ATP8A1: variants seen among roughly 807,000 people sequenced by gnomAD.
ATP8A1 encodes the protein phospholipid-transporting ATPase IA.
In ATP8A1, 90 loss-of-function variants were observed where a neutral mutation model predicts 177.7. That is an observed-to-expected ratio of 0.51 (90% CI 0.43 to 0.60). The LOEUF (loss-of-function observed/expected upper bound fraction) is 0.60. Among genes scored for constraint, ATP8A1 ranks in the 20% least tolerant of loss-of-function variants. The pLI, the probability that ATP8A1 is intolerant of heterozygous loss-of-function variation, is 0.00. For missense variants in ATP8A1, 1,072 were observed against 1,392.8 expected, an observed-to-expected ratio of 0.77 and a Z score of 3.67; for synonymous variants, 493 against 485.9, an observed-to-expected ratio of 1.01 and a Z score of -0.19.
intron 1 of ATP8A1, among the ~76,000 whole-genome samples, chr4:42,642,154 C>A (rs1740058983): frequency 6.6e-6 from 1 of 152,168 alleles, no homozygotes; most frequent in Non-Finnish European, 1.5e-5. Flanking sequence ...AGACATTACC[C>A]AGGATAAGGA....
chr4:42,556,062 G>A (rs1408423796), intron 15 of ATP8A1, 22 bp from the exon 16 acceptor site: 1 of 1,564,112 alleles, frequency 6.4e-7, no homozygotes. Flanking sequence ...AAAAAATAGA[G>A]TAAACCCAGT....
intron 9 of ATP8A1, 31 bp from the exon 10 acceptor site, chr4:42,581,763 G>A (rs985791256): frequency 2.7e-6 from 4 of 1,506,014 alleles, no homozygotes; most frequent in Non-Finnish European, 2.8e-6. Flanking sequence ...ATTAGAAACA[G>A]TATTTTCTAA....
At chr4:42,477,819 A>AG (rs1164793237) in intron 25 of ATP8A1, among the ~76,000 whole-genome samples, 1 of 151,436 alleles carries the variant, frequency 6.6e-6, no homozygotes, top group Non-Finnish European at 1.5e-5. Context: ...AAAAAAAAAA[A>AG]AAAAAGTTTA....
At chr4:42,585,037 C>G (rs1419139114) in intron 9 of ATP8A1, among the ~76,000 whole-genome samples, 1 of 152,102 alleles carries the variant, frequency 6.6e-6, no homozygotes, top group Non-Finnish European at 1.5e-5. Context: ...CACAATTATT[C>G]CAGGCACTTT....
intron 7 of ATP8A1, among the ~76,000 whole-genome samples, chr4:42,588,960 A>C (rs1025030021): frequency 6.6e-6 from 1 of 152,206 alleles, no homozygotes; most frequent in African/African-American, 2.4e-5. Flanking sequence ...GTTGCTTGAG[A>C]GATTCTCACA....
At chr4:42,529,194 T>C (rs963286920) in intron 20 of ATP8A1, among the ~76,000 whole-genome samples, 12 of 152,240 alleles carry the variant, frequency 7.9e-5, no homozygotes, top group African/African-American at 2.9e-4. Context: ...GCAGATTCAA[T>C]GGTATTTGAG....
chr4:42,444,488 T>A (rs1577943896), intron 32 of ATP8A1, 90 bp downstream of exon 32: 1 of 1,259,928 alleles, frequency 7.9e-7, no homozygotes, highest in Non-Finnish European at 1.1e-6. Context: ...ACCTGGGACA[T>A]ATCAAGTTAG....
At chr4:42,547,546 C>T (rs762796370) in intron 19 of ATP8A1, among the ~76,000 whole-genome samples, 11 of 152,122 alleles carry the variant, frequency 7.2e-5, no homozygotes, top group East Asian at 1.9e-4. Context: ...GTTTAAAAAA[C>T]GTATCTAAAT....
rs1218350838 is a variant in ATP8A1, at chr4:42,507,101, C to A, written c.2001G>T (p.Val667=). The change falls in exon 23 of 37, where the codon GTG becomes GTT. Residue 667 remains valine (V), a synonymous_variant. Transcript: ENST00000381668. ...TCATTAGCGTTTCTATGGTTTCAGG[C>A]ACTTGATCTTGTAATTTATCCTCAA... is the stretch of plus-strand genomic sequence containing the variant. ...TAIEDKLQDQ[V]PETIETLMKA... The A allele has an allele frequency of 1.2e-6, 2 of 1,613,962 alleles. No homozygotes were observed. The highest frequency in any genetic ancestry group is 2.2e-5 in the East Asian group (1 of 44,858).
At chr4:42,500,819 G>A (rs1723785958) in intron 24 of ATP8A1, among the ~76,000 whole-genome samples, 1 of 151,930 alleles carries the variant, frequency 6.6e-6, no homozygotes, top group East Asian at 1.9e-4. Context: ...TTGGTCTTAT[G>A]TATTTATTTA....
At chr4:42,583,860 T>A in intron 9 of ATP8A1, among the ~76,000 whole-genome samples, 1 of 152,348 alleles carries the variant, frequency 6.6e-6, no homozygotes, top group East Asian at 1.9e-4. Flanking sequence ...ATAGATTTGC[T>A]CAGCAACAAT....
intron 22 of ATP8A1, among the ~76,000 whole-genome samples, chr4:42,512,936 T>C (rs1725163400): frequency 6.6e-6 from 1 of 152,228 alleles, no homozygotes; most frequent in Non-Finnish European, 1.5e-5. Flanking sequence ...TTGAGGGCCA[T>C]ATATTCTCTG....
intron 22 of ATP8A1, among the ~76,000 whole-genome samples, chr4:42,508,889 A>G (rs1352264146): frequency 6.6e-6 from 1 of 152,232 alleles, no homozygotes; most frequent in East Asian, 1.9e-4. Context: ...ACTTTTCCTT[A>G]TTGTTCACCA....
At chr4:42,479,335 C>T (rs1415583626) in intron 25 of ATP8A1, among the ~76,000 whole-genome samples, 1 of 152,196 alleles carries the variant, frequency 6.6e-6, no homozygotes, top group East Asian at 1.9e-4. Flanking sequence ...CTCAAAACAC[C>T]AAGCCCTTCT....
intron 33 of ATP8A1, among the ~76,000 whole-genome samples, chr4:42,425,050 A>T (rs1375830287): frequency 6.6e-6 from 1 of 152,208 alleles, no homozygotes; most frequent in African/African-American, 2.4e-5. Flanking sequence ...GTAATAGGAA[A>T]TGTCTATCAA....
intron 25 of ATP8A1, among the ~76,000 whole-genome samples, chr4:42,477,852 G>A (rs4333217): frequency 0.067 from 10,163 of 150,750 alleles, 1,111 homozygotes; most frequent in African/African-American, 0.23. Flanking sequence ...GAGTAGTGGC[G>A]CAGGCCTGTT....
intron 1 of ATP8A1, among the ~76,000 whole-genome samples, chr4:42,636,363 T>C (rs577035937): frequency 2.3e-4 from 35 of 151,946 alleles, no homozygotes; most frequent in African/African-American, 7.0e-4. Context: ...ACTTCAAATG[T>C]TCGATTGTGA....
intron 33 of ATP8A1, among the ~76,000 whole-genome samples, chr4:42,425,107 C>A (rs1281550726): frequency 6.6e-6 from 1 of 151,986 alleles, no homozygotes; most frequent in African/African-American, 2.4e-5. Flanking sequence ...AGTAAGGTAA[C>A]AACTGTAAAA....
chr4:42,588,249 T>A lies in ATP8A1; in HGVS notation c.594+11A>T. The A allele has an allele frequency of 6.3e-7, 1 of 1,596,396 alleles. No homozygotes were observed. The highest frequency in any genetic ancestry group is 8.6e-7 in the Non-Finnish European group (1 of 1,165,158). ...AGCAGTGATTATACATATACTTGTA[T>A]CAGATCTTACCTGTCTAATTTTCAA... On this transcript the variant is annotated intron_variant, in intron 8 of 36. Transcript: ENST00000381668.
Sources: allele counts gnomAD v4.1 joint callset (sites outside exome capture counted in the v4.1 genomes callset), GRCh38; gene constraint gnomAD v4.1.1; transcripts MANE v1.5; gene names NCBI Gene and HGNC (gene_info 2026-07-23, HGNC 2026-07-21).